SEC23IP: variants seen among roughly 807,000 people sequenced by gnomAD.
SEC23IP encodes the protein SEC23-interacting protein.
A neutral mutation model predicts 113.4 loss-of-function variants in SEC23IP; 70 were observed. That is an observed-to-expected ratio of 0.62 (90% CI 0.51 to 0.75). SEC23IP has a LOEUF of 0.75. SEC23IP is among the 30% of genes least tolerant of loss of function. The pLI is 0.00. For synonymous variants in SEC23IP, 398 were observed against 421.0 expected (o/e 0.95, Z 0.67); for missense variants, 1,160 against 1,204.9 (o/e 0.96, Z 0.55).
At chr10:119,894,324 A>G (rs1285141186) in intron 1 of SEC23IP, among the ~76,000 whole-genome samples, 1 of 152,162 alleles carries the variant, frequency 6.6e-6, no homozygotes, top group Non-Finnish European at 1.5e-5. Flanking sequence ...TTCTTGTTTG[A>G]AGGATGAAAG....
chr10:119,911,034 ATTC>A (rs966268787), intron 5 of SEC23IP, among the ~76,000 whole-genome samples: 2 of 145,832 alleles, frequency 1.4e-5, no homozygotes, highest in African/African-American at 5.0e-5. Context: ...TCAAGTATAT[ATTC>A]TTTTTTTTTT....
At chr10:119,926,420 G>A (rs1012454089) in intron 13 of SEC23IP, among the ~76,000 whole-genome samples, 193 bp downstream of exon 13, 1 of 152,132 alleles carries the variant, frequency 6.6e-6, no homozygotes, top group African/African-American at 2.4e-5. Context: ...CATACAGAAC[G>A]TGTTGTCTAA....
chr10:119,935,005 C>T (rs1470442979), intron 18 of SEC23IP, among the ~76,000 whole-genome samples: 2 of 151,990 alleles, frequency 1.3e-5, no homozygotes, highest in African/African-American at 2.4e-5. Context: ...GGTGTGGTGG[C>T]GGGTGCCTGT....
chr10:119,893,110 GAGGTGGC>G (rs936832866), intron 1 of SEC23IP, among the ~76,000 whole-genome samples, 165 bp downstream of exon 1: 35 of 152,178 alleles, frequency 2.3e-4, no homozygotes, highest in African/African-American at 8.4e-4. Flanking sequence ...TGGGATCTTG[GAGGTGGC>G]AGGTGATGAG....
chr10:119,892,744 G>A lies in SEC23IP; in HGVS notation c.-39G>A. On this transcript the variant is annotated 5_prime_UTR_variant, in exon 1 of 19. Coordinates refer to ENST00000369075, the MANE Select transcript of SEC23IP (RefSeq NM_007190.4). ...GGTTTCCGGTCAGTGGTGTGGTACC[G>A]GGTACCCGGAGACGTGTATCGGACG... The A allele has an allele frequency of 1.9e-6, 3 of 1,569,104 alleles. No homozygotes were observed. The highest frequency in any genetic ancestry group is 1.2e-5 in the South Asian group (1 of 84,882).
intron 6 of SEC23IP, chr10:119,914,498 A>G (rs35862750): frequency 0.08 from 39,065 of 486,650 alleles, 2,808 homozygotes; most frequent in South Asian, 0.25. Flanking sequence ...ATTAGCTTCC[A>G]GGAACAGAGA....
rs1306870729 is a variant in SEC23IP at position 119,944,553 on chromosome 10, C to G, written c.*3988C>G. 2 of 152,188 alleles carry G rather than the reference C, an allele frequency of 1.3e-5. No individual in the cohort carries two copies. Among genetic ancestry groups the G allele is most frequent in the Admixed American group, 6.5e-5 (1 of 15,280 alleles). The allele number at this position is 152,188 out of a possible 1,614,324, so 9.4% of individuals were successfully genotyped here. On this transcript the variant is annotated 3_prime_UTR_variant, in exon 19 of 19. Coordinates refer to ENST00000369075, the MANE Select transcript of SEC23IP (RefSeq NM_007190.4). ...AAAGACGCGAGGTTGGAAAGAACAT[C>G]ACAACTGGGGCGACTGAAGAAATTA...
chr10:119,930,123 G>A (rs751654761), intron 14 of SEC23IP, among the ~76,000 whole-genome samples: 12 of 152,162 alleles, frequency 7.9e-5, no homozygotes, highest in Non-Finnish European at 1.3e-4. Flanking sequence ...TTTGTTCAGG[G>A]AAATAATTCT....
chr10:119,920,997 T>C lies in SEC23IP; in HGVS notation c.2121+13T>C. 6.3e-7 allele frequency: 1 copy of C among 1,584,402 alleles called. No individual in the cohort carries two copies. The highest frequency in any genetic ancestry group is 1.1e-5 in the South Asian group (1 of 90,378). ...AGCAGCCAAACTGGTAAAGTTCACC[T>C]CTGACTCAAGAAAAACTAAAACTCA... On this transcript the variant is annotated intron_variant, in intron 12 of 18. Coordinates refer to ENST00000369075, the MANE Select transcript of SEC23IP (RefSeq NM_007190.4).
chr10:119,896,863 G>T (rs1375146330), intron 1 of SEC23IP, among the ~76,000 whole-genome samples: 2 of 152,090 alleles, frequency 1.3e-5, no homozygotes, highest in East Asian at 1.9e-4. Context: ...CTGAAAAGAG[G>T]GGTGGGAGCT....
chr10:119,903,001 A>G lies in SEC23IP; in HGVS notation c.899A>G (p.Tyr300Cys), dbSNP rs771020868. ...VFDSLNLEEIYNSVQPDPESV... is the reference protein window; with the variant it reads ...VFDSLNLEEICNSVQPDPESV... The stretch of plus-strand genomic sequence containing the variant: ...GACTCTTTGAATCTTGAAGAAATCT[A>G]TAATTCAGGTAAACATTGGTCATAC... The change falls in exon 3 of 19, where the codon TAT becomes TGT. Residue 300 changes from tyrosine to cysteine, a missense_variant. By Grantham distance (194) the Tyr-to-Cys change is radical. Coordinates refer to ENST00000369075, the MANE Select transcript of SEC23IP (RefSeq NM_007190.4). 5.6e-6 allele frequency: 9 copies of G among 1,612,546 alleles called. No homozygotes were observed. The highest frequency in any genetic ancestry group is 1.1e-5 in the South Asian group (1 of 91,018).
In SEC23IP at chr10:119,926,192, G is replaced by A. The variant is rs778833761; in HGVS notation, c.2278G>A (p.Val760Met). The change falls in exon 13 of 19, where the codon GTG (valine) becomes ATG (methionine). Residue 760 changes from valine to methionine, a missense_variant. Val to Met is a conservative substitution (Grantham distance 21). Coordinates refer to ENST00000369075, the MANE Select transcript of SEC23IP (RefSeq NM_007190.4). ...PVGACVSSVC[V>M]NYESFEVGAG... is the part of the protein sequence containing the mutation. ...TGGTGCTTGCGTGTCTTCTGTGTGT[G>A]TGAATTATGAATCTTTTGAAGTTGG... The A allele has an allele frequency of 3.1e-6, 5 of 1,614,150 alleles. No homozygotes were observed. Among genetic ancestry groups the A allele is most frequent in the Non-Finnish European group, 4.2e-6 (5 of 1,179,996 alleles).
intron 11 of SEC23IP, 24 bp from the exon 12 acceptor site, chr10:119,920,865 G>A (rs1418366873): frequency 2.7e-6 from 4 of 1,459,252 alleles, no homozygotes; most frequent in East Asian, 2.3e-5. Context: ...ATTGATTAAT[G>A]TGCTTGTCTG....
chr10:119,918,644 TGGTTGCTTG>T, intron 10 of SEC23IP, 133 bp downstream of exon 10: 1 of 644,712 alleles, frequency 1.6e-6, no homozygotes, highest in South Asian at 1.8e-5. Context: ...TGAGCCTCAT[TGGTTGCTTG>T]GGCTAGTCTT....
chr10:119,898,199 A>G (rs1589820167), intron 1 of SEC23IP: 2 of 738,354 alleles, frequency 2.7e-6, no homozygotes, highest in African/African-American at 3.7e-5. Flanking sequence ...CTTATGAATG[A>G]ATTATAATTG....
chr10:119,933,837 A>G (rs779857885), intron 18 of SEC23IP, 50 bp downstream of exon 18: 6 of 959,214 alleles, frequency 6.3e-6, no homozygotes, highest in African/African-American at 3.3e-5. Context: ...TGCATTCTCA[A>G]ATCTGTTGTA....
intron 10 of SEC23IP, 139 bp downstream of exon 10, chr10:119,918,650 CT>C: frequency 1.5e-6 from 1 of 645,946 alleles, no homozygotes; most frequent in Admixed American, 2.4e-5. Context: ...TCATTGGTTG[CT>C]TGGGCTAGTC....
At chr10:119,895,602 G>A (rs768707736) in intron 1 of SEC23IP, among the ~76,000 whole-genome samples, 11 of 152,190 alleles carry the variant, frequency 7.2e-5, no homozygotes, top group Non-Finnish European at 1.3e-4. Context: ...TGGCTGAGCC[G>A]GGGAATGGAT....
rs908146472 is a variant in SEC23IP at position 119,933,632 on chromosome 10, G to A, written c.2922-54G>A. Reference sequence around the variant, plus strand: ...CCTGCATTTTCAACCATTGTGCATAGAAGTTAATTTCTTCTAATTGTCTCT... The same window carrying A: ...CCTGCATTTTCAACCATTGTGCATAAAAGTTAATTTCTTCTAATTGTCTCT... On this transcript the variant is annotated intron_variant, in intron 17 of 18. Coordinates refer to ENST00000369075, the MANE Select transcript of SEC23IP (RefSeq NM_007190.4). The A allele has an allele frequency of 5.1e-6, 5 of 971,926 alleles. No individual in the cohort carries two copies. In the African/African-American group the frequency reaches 6.4e-5, roughly 12 times the overall value. 60.2% of individuals were successfully genotyped at this position (971,926 alleles called of 1,614,324 possible).
Sources: gnomAD v4.1 joint callset for allele counts (sites outside exome capture counted in the v4.1 genomes callset) on GRCh38, gnomAD v4.1.1 for gene constraint, MANE v1.5 for transcripts, NCBI Gene and HGNC (gene_info 2026-07-23, HGNC 2026-07-21) for gene names.